MEGF10: variants seen among roughly 807,000 people sequenced by gnomAD.
MEGF10 encodes the protein multiple epidermal growth factor-like domains protein 10.
Under a neutral mutation model 147.5 loss-of-function variants are expected in MEGF10, and 86 were observed. That is an observed-to-expected ratio of 0.58 (90% CI 0.49 to 0.70). The LOEUF (loss-of-function observed/expected upper bound fraction) is 0.70, where lower values mean the gene tolerates loss of function less well. MEGF10 is among the 30% of genes least tolerant of loss of function. MEGF10 has a pLI of 0.00. For missense variants in MEGF10, 1,329 were observed against 1,487.3 expected (o/e 0.89, Z 1.75); for synonymous variants, 478 against 525.5 (o/e 0.91, Z 1.24).
At chr5:127,404,846 G>T (rs998083572) in intron 8 of MEGF10, among the ~76,000 whole-genome samples, 5 of 151,976 alleles carry the variant, frequency 3.3e-5, no homozygotes, top group South Asian at 4.2e-4. Context: ...CTCCCTAGTA[G>T]TTGGGATTAC....
intron 6 of MEGF10, among the ~76,000 whole-genome samples, chr5:127,398,268 G>A (rs1763998479): frequency 6.6e-6 from 1 of 152,076 alleles, no homozygotes; most frequent in African/African-American, 2.4e-5. Context: ...ATGAATATGT[G>A]CACAAAGGGT....
chr5:127,395,258 C>T (rs999894023), intron 5 of MEGF10, among the ~76,000 whole-genome samples: 1 of 152,032 alleles, frequency 6.6e-6, no homozygotes, highest in African/African-American at 2.4e-5. Flanking sequence ...TCCTTCCCTG[C>T]TCCCCTTTTC....
the MEGF10 span, among the ~76,000 whole-genome samples, chr5:127,259,116 A>C: frequency 6.6e-6 from 1 of 152,270 alleles, no homozygotes; most frequent in Admixed American, 6.5e-5. Context: ...CCAGATGAGA[A>C]TAGGCAGCAG....
chr5:127,327,711 TTTC>T, intron 1 of MEGF10, among the ~76,000 whole-genome samples: 1 of 111,004 alleles, frequency 9.0e-6, no homozygotes, highest in African/African-American at 4.2e-5. Flanking sequence ...TTTCTTTTCT[TTTC>T]TTTTTTTTTT....
chr5:127,239,422 A>G, the MEGF10 span, among the ~76,000 whole-genome samples: 3 of 144,302 alleles, frequency 2.1e-5, no homozygotes, highest in African/African-American at 7.8e-5. Flanking sequence ...CACACGGGAG[A>G]GAGAGAATAA....
At chr5:127,396,438 C>A in intron 5 of MEGF10, 94 bp from the exon 6 acceptor site, 1 of 1,400,454 alleles carries the variant, frequency 7.1e-7, no homozygotes, top group Admixed American at 2.4e-5. Flanking sequence ...TAATGAATGG[C>A]CATGAGAGGT....
chr5:127,273,501 T>C, the MEGF10 span, among the ~76,000 whole-genome samples: 2,512 of 152,366 alleles, frequency 0.016, 58 homozygotes, highest in East Asian at 0.086. Flanking sequence ...ATTGGCCATC[T>C]TGGATCCCTT....
chr5:127,352,901 C>A (rs1762135807), intron 4 of MEGF10, among the ~76,000 whole-genome samples: 1 of 152,132 alleles, frequency 6.6e-6, no homozygotes. Context: ...AGGTCAGTTC[C>A]CATGGATGTG....
chr5:127,297,626 A>G (rs1759564501), intron 1 of MEGF10, among the ~76,000 whole-genome samples: 1 of 152,200 alleles, frequency 6.6e-6, no homozygotes, highest in South Asian at 2.1e-4. Context: ...GCAGGAATTT[A>G]CAAAGCATCT....
chr5:127,296,513 G>T (rs1049390540), intron 1 of MEGF10, among the ~76,000 whole-genome samples: 2 of 152,272 alleles, frequency 1.3e-5, no homozygotes, highest in East Asian at 3.9e-4. Flanking sequence ...CAGGATATTA[G>T]CATCTGTTAA....
chr5:127,417,939 G>T, intron 10 of MEGF10, 127 bp downstream of exon 10: 1 of 961,672 alleles, frequency 1.0e-6, no homozygotes. Context: ...ATTAAAGAGA[G>T]AGAGAAAATG....
intron 13 of MEGF10, among the ~76,000 whole-genome samples, chr5:127,432,198 A>G (rs961383982): frequency 6.6e-6 from 1 of 152,280 alleles, no homozygotes; most frequent in Admixed American, 6.5e-5. Flanking sequence ...TTTCAGAAGG[A>G]AAAAAACAGG....
intron 6 of MEGF10, among the ~76,000 whole-genome samples, chr5:127,398,242 TA>T (rs556071619): frequency 5.9e-4 from 87 of 148,406 alleles, no homozygotes; most frequent in African/African-American, 1.6e-3. Flanking sequence ...TTTTAAAAAT[TA>T]AAAAAAAAAG....
chr5:127,425,787 A>C (rs185318800), intron 13 of MEGF10, among the ~76,000 whole-genome samples: 1 of 152,190 alleles, frequency 6.6e-6, no homozygotes, highest in East Asian at 1.9e-4. Context: ...CATTTAAGAC[A>C]CCAGGTTTGA....
chr5:127,311,663 T>G (rs143964023), intron 1 of MEGF10, among the ~76,000 whole-genome samples: 1 of 152,308 alleles, frequency 6.6e-6, no homozygotes, highest in African/African-American at 2.4e-5. Context: ...ATTTGCAGTT[T>G]TAAGAAGTTG....
At chr5:127,339,079 A>G (rs1435796004) in intron 2 of MEGF10, 41 bp from the exon 3 acceptor site, 1 of 1,358,452 alleles carries the variant, frequency 7.4e-7, no homozygotes, top group East Asian at 2.4e-5. Flanking sequence ...TTAATTTAAA[A>G]AAGAGAAATA....
chr5:127,347,423 A>G (rs1170007321), intron 4 of MEGF10, among the ~76,000 whole-genome samples: 4 of 152,068 alleles, frequency 2.6e-5, no homozygotes, highest in South Asian at 4.1e-4. Flanking sequence ...ATAAATATTT[A>G]TGTATTCGAG....
rs1389232948 is a variant in MEGF10 at position 127,402,559 on chromosome 5, G to A, written c.794G>A (p.Gly265Asp). 1 of 1,613,600 alleles carries A rather than the reference G, an allele frequency of 6.2e-7. No homozygotes were observed. The highest frequency in any genetic ancestry group is 1.7e-5 in the Admixed American group (1 of 59,956). ...CPSGWMGTVC[G>D]QPCPEGRFGK... ...CTTTGAATGCAGGGCACAGTGTGTGGTCAGCCTTGCCCCGAGGGTCGCTTT... is the reference window on the plus strand; with the variant it reads ...CTTTGAATGCAGGGCACAGTGTGTGATCAGCCTTGCCCCGAGGGTCGCTTT... Residue 265 changes from glycine (G) to aspartate (D), a missense_variant, in exon 8 of 25, where the codon GGT becomes GAT. Gly to Asp is a moderately conservative substitution (Grantham distance 94). Around this residue, in one of 3 missense-constraint regions of MEGF10, gnomAD observed 980 missense variants for 1,085.9 expected, o/e 0.90. Transcript: ENST00000503335.
chr5:127,448,790 C>CTT (rs199921206), intron 21 of MEGF10, among the ~76,000 whole-genome samples: 11 of 131,192 alleles, frequency 8.4e-5, no homozygotes, highest in East Asian at 4.5e-4. Context: ...ACCAAGAGTT[C>CTT]TTTTTTTTTT....
Sources: gnomAD v4.1 joint callset for allele counts (sites outside exome capture counted in the v4.1 genomes callset) on GRCh38, gnomAD v4.1.1 for gene constraint, gnomAD v4.1.1 regional missense constraint, MANE v1.5 for transcripts, NCBI Gene and HGNC (gene_info 2026-07-23, HGNC 2026-07-21) for gene names.